Variants in TM9SF4 observed in about 807,000 individuals in gnomAD.
TM9SF4 encodes the protein dinucleotide oxidase disulfide thiol exchanger 3 superfamily member 4.
A neutral mutation model predicts 90.4 loss-of-function variants in TM9SF4; 26 were observed. The observed-to-expected ratio is 0.29, with a 90% CI of 0.21 to 0.40. The LOEUF (loss-of-function observed/expected upper bound fraction) is 0.40. Ranked by LOEUF, TM9SF4 falls within the 10% of genes least tolerant of loss-of-function variation. The pLI is 1.00. For synonymous variants in TM9SF4, 293 were observed against 315.4 expected, an observed-to-expected ratio of 0.93 and a Z score of 0.75; for missense variants, 549 against 834.8, an observed-to-expected ratio of 0.66 and a Z score of 4.22.
At chr20:32,153,303 G>T (rs2046869689) in intron 12 of TM9SF4, among the ~76,000 whole-genome samples, 2 of 152,226 alleles carry the variant, frequency 1.3e-5, no homozygotes, top group Non-Finnish European at 2.9e-5. Flanking sequence ...CAGGAACAGT[G>T]ACCAGTTGTT....
chr20:32,122,627 C>T lies in TM9SF4; in HGVS notation c.16-10386C>T, dbSNP rs1344876094. Among the ~76,000 whole-genome samples the T allele has an allele frequency of 4.6e-4, 67 of 145,770 alleles. 3 individuals are homozygous for T. In the East Asian group the frequency reaches 0.012, roughly 25 times the overall value. ...AGATGTGATGGCGTCCGGGAAGAGGCGCTCCTCACTTCCCAGATGGGATGG... is the reference window on the plus strand; with the variant it reads ...AGATGTGATGGCGTCCGGGAAGAGGTGCTCCTCACTTCCCAGATGGGATGG... On this transcript the variant is annotated intron_variant, in intron 1 of 17. Coordinates refer to ENST00000398022, the MANE Select transcript of TM9SF4 (RefSeq NM_014742.4).
chr20:32,154,941 C>G (rs751902391), intron 12 of TM9SF4, among the ~76,000 whole-genome samples, 162 bp from the exon 13 acceptor site: 4 of 152,164 alleles, frequency 2.6e-5, no homozygotes, highest in Non-Finnish European at 4.4e-5. Context: ...GAACAGAGTC[C>G]TGCTCAGTCT....
At chr20:32,131,584 G>A (rs2046514173) in intron 1 of TM9SF4, among the ~76,000 whole-genome samples, 2 of 152,202 alleles carry the variant, frequency 1.3e-5, no homozygotes, top group South Asian at 4.1e-4. Context: ...CAGGTGATCA[G>A]GAGGCTGTGG....
At chr20:32,116,862 C>CTTTTTTTTTTTTTTTTTTT (rs201365030) in intron 1 of TM9SF4, among the ~76,000 whole-genome samples, 3 of 95,852 alleles carry the variant, frequency 3.1e-5, no homozygotes, top group Admixed American at 1.3e-4. Flanking sequence ...TTTCCTTTTT[C>CTTTTTTTTTTTTTTTTTTT]TTTTTTTTTT....
At chr20:32,125,686 T>C (rs983813670) in intron 1 of TM9SF4, among the ~76,000 whole-genome samples, 30 of 145,046 alleles carry the variant, frequency 2.1e-4, no homozygotes, top group Admixed American at 4.8e-4. Flanking sequence ...TTTTTCTTTT[T>C]TTTTTTTTTT....
intron 8 of TM9SF4, 108 bp downstream of exon 8, chr20:32,145,531 G>A (rs1479267705): frequency 1.1e-6 from 1 of 928,804 alleles, no homozygotes; most frequent in Non-Finnish European, 1.7e-6. Context: ...GTCAGGCGTA[G>A]GTCAAAAACA....
intron 1 of TM9SF4, among the ~76,000 whole-genome samples, chr20:32,116,939 G>A (rs141974295): frequency 9.4e-4 from 126 of 134,526 alleles, no homozygotes; most frequent in Non-Finnish European, 1.5e-3. Flanking sequence ...GGTGACTGTC[G>A]CCAGGCACAG....
intron 1 of TM9SF4, among the ~76,000 whole-genome samples, chr20:32,131,509 T>TGTGTGTGTG (rs11167299): frequency 6.7e-6 from 1 of 150,270 alleles, no homozygotes; most frequent in Admixed American, 6.6e-5. Flanking sequence ...TGTGTGTGTG[T>TGTGTGTGTG]TGGTTAGTTG....
intron 3 of TM9SF4, among the ~76,000 whole-genome samples, chr20:32,139,863 TCTC>T (rs2046646384): frequency 6.6e-6 from 1 of 152,226 alleles, no homozygotes; most frequent in Admixed American, 6.5e-5. Context: ...TCTGGAATAT[TCTC>T]CTATTTCTTT....
At chr20:32,139,973 T>G (rs2046648386) in intron 3 of TM9SF4, among the ~76,000 whole-genome samples, 1 of 152,220 alleles carries the variant, frequency 6.6e-6, no homozygotes, top group African/African-American at 2.4e-5. Flanking sequence ...TATATTCTCA[T>G]TTTGCTGATT....
intron 2 of TM9SF4, 94 bp downstream of exon 2, chr20:32,133,220 GAAGA>G (rs1172556174): frequency 8.5e-7 from 1 of 1,176,032 alleles, no homozygotes; most frequent in Non-Finnish European, 1.2e-6. Context: ...TGGTTGCAGA[GAAGA>G]AAGAATAGTG....
chr20:32,123,866 A>ATATATATTTT lies in TM9SF4; in HGVS notation c.16-9146_16-9145insATATATTTTT. 1.8e-3 allele frequency among the ~76,000 whole-genome samples: 170 copies of ATATATATTTT among 93,952 alleles called. 3 individuals carry two copies. Among genetic ancestry groups the ATATATATTTT allele is most frequent in the African/African-American group, 7.4e-3 (163 of 21,976 alleles). 61.6% of individuals were successfully genotyped at this position (93,952 alleles called of 152,430 possible). On this transcript the variant is annotated intron_variant, in intron 1 of 17. Transcript: ENST00000398022. ...CTCTCATATATATATATATATATAT[A>ATATATATTTT]TTTTTTTTTTTAAAGAGATAGGGTC...
In TM9SF4 at chr20:32,146,805, A is replaced by G. The variant is rs755839293; in HGVS notation, c.904A>G (p.Ile302Val). Residue 302 changes from isoleucine (I) to valine (V), a missense_variant, in exon 9 of 18, where the codon ATT becomes GTT. Around this residue, in one of 2 missense-constraint regions of TM9SF4, gnomAD observed 495 missense variants for 711.7 expected, o/e 0.70. Transcript: ENST00000398022. Reference protein sequence around the residue: ...FLSGILSMIIIRTLRKDIANY... With the variant: ...FLSGILSMIIVRTLRKDIANY... The stretch of plus-strand genomic sequence containing the variant: ...TTCAGGTATCCTGAGCATGATTATC[A>G]TTCGGACCCTCCGGAAGGACATTGC... 9.9e-6 allele frequency: 16 copies of G among 1,614,094 alleles called. No homozygotes were observed. In the East Asian group the frequency reaches 3.3e-4, roughly 34 times the overall value.
At chr20:32,141,018 C>A (rs2046666927) in intron 3 of TM9SF4, among the ~76,000 whole-genome samples, 1 of 151,820 alleles carries the variant, frequency 6.6e-6, no homozygotes, top group African/African-American at 2.4e-5. Context: ...GATATCGAGA[C>A]CATCCTGGCT....
intron 1 of TM9SF4, among the ~76,000 whole-genome samples, chr20:32,126,642 C>T (rs555457780): frequency 7.9e-5 from 12 of 152,248 alleles, no homozygotes; most frequent in East Asian, 3.9e-4. Flanking sequence ...TCTCCCCACC[C>T]GCCTGAAAGC....
rs547547145 is a variant in TM9SF4 at position 32,144,999 on chromosome 20, G to A, written c.653-92G>A. The A allele has an allele frequency of 4.4e-5, 53 of 1,213,426 alleles. No homozygotes were observed. The African/African-American group carries it at 4.8e-4, about 11-fold the overall frequency. 75.2% of individuals were successfully genotyped at this position (1,213,426 alleles called of 1,614,324 possible). A position where few individuals can be genotyped will look rare whatever the true frequency, so the allele number is the denominator to read the frequency against. ...CTCCCACCCTAGAGGCTGGGTCTCC[G>A]CGACAGGCAGCCTTGAGGGCAGCCC... On this transcript the variant is annotated intron_variant, in intron 6 of 17. Coordinates refer to ENST00000398022, the MANE Select transcript of TM9SF4 (RefSeq NM_014742.4).
intron 15 of TM9SF4, 111 bp downstream of exon 15, chr20:32,158,625 C>A: frequency 9.8e-7 from 1 of 1,019,136 alleles, no homozygotes; most frequent in Non-Finnish European, 1.5e-6. Context: ...GGCCACTTCA[C>A]CTCTCGGAGC....
rs375868990 is a variant in TM9SF4 at position 32,136,138 on chromosome 20, A to G, written c.194A>G (p.Gln65Arg). The G allele has an allele frequency of 1.6e-5, 26 of 1,614,186 alleles. 2 individuals carry two copies. Among genetic ancestry groups the G allele is most frequent in the East Asian group, 1.3e-4 (6 of 44,890 alleles). ...GAATACTATTCACTGCCCTTCTGCC[A>G]GCCCAGCAAGATAACCTACAAGGCA... ...PYEYYSLPFC[Q>R]PSKITYKAEN... Residue 65 changes from glutamine to arginine, a missense_variant, in exon 3 of 18, where the codon CAG becomes CGG. Gln to Arg is a conservative substitution (Grantham distance 43, BLOSUM62 1). Transcript: ENST00000398022.
chr20:32,144,445 G>A (rs556167937), intron 6 of TM9SF4, among the ~76,000 whole-genome samples: 2 of 152,294 alleles, frequency 1.3e-5, no homozygotes, highest in East Asian at 3.9e-4. Context: ...AATGGATCAA[G>A]GTTTTATGTT....
Sources: allele counts gnomAD v4.1 joint callset (sites outside exome capture counted in the v4.1 genomes callset), GRCh38; gene constraint gnomAD v4.1.1; regional missense constraint gnomAD v4.1.1; transcripts MANE v1.5; gene names NCBI Gene and HGNC (gene_info 2026-07-23, HGNC 2026-07-21).